GNAL: variants seen among roughly 807,000 people sequenced by gnomAD.
GNAL encodes G protein subunit alpha L.
In GNAL, 18 loss-of-function variants were observed where a neutral mutation model predicts 55.1. The observed-to-expected ratio is 0.33, with a 90% CI of 0.23 to 0.48. GNAL has a LOEUF of 0.48. Ranked by LOEUF, GNAL falls within the 20% of genes least tolerant of loss-of-function variation. The pLI, the probability that GNAL is intolerant of heterozygous loss-of-function variation, is 0.99. For synonymous variants in GNAL, 253 were observed against 237.0 expected, an observed-to-expected ratio of 1.07 and a Z score of -0.62; for missense variants, 412 against 614.1, an observed-to-expected ratio of 0.67 and a Z score of 3.48.
intron 4 of GNAL, among the ~76,000 whole-genome samples, chr18:11,810,156 C>T (rs1038500428): frequency 4.6e-5 from 7 of 152,188 alleles, no homozygotes; most frequent in African/African-American, 1.4e-4. Context: ...TTTGGGAGGC[C>T]GAGACAGATG....
In GNAL at chr18:11,751,682, G is replaced by A. The variant is rs899160726; in HGVS notation, c.377-1171G>A. 2.5e-5 allele frequency: 25 copies of A among 984,646 alleles called. No homozygotes were observed. The highest frequency in any genetic ancestry group is 3.0e-5 in the Non-Finnish European group (25 of 829,356). 61.0% of individuals were successfully genotyped at this position (984,646 alleles called of 1,614,324 possible). A position where few individuals can be genotyped will look rare whatever the true frequency, so the allele number is the denominator to read the frequency against. ...CCGCGGCGCAGCGGAGGGGCTGCGG[G>A]CCCGGAACCCAGGCCGGTCAGCGTG... On this transcript the variant is annotated intron_variant, in intron 1 of 11. Transcript: ENST00000334049. The surrounding 1 kb of genome is among the most constrained non-coding windows in gnomAD (Gnocchi z 4.5).
chr18:11,856,558 C>G (rs1177011112), intron 5 of GNAL, among the ~76,000 whole-genome samples: 2 of 151,414 alleles, frequency 1.3e-5, no homozygotes, highest in Non-Finnish European at 2.9e-5. Context: ...ATGTTTGCCT[C>G]TGTTCTTCAG....
chr18:11,884,740 G>T lies in GNAL; in HGVS notation c.*3605G>T. The T allele has an allele frequency of 7.4e-7, 1 of 1,347,958 alleles. No individual in the cohort carries two copies. Among genetic ancestry groups the T allele is most frequent in the Admixed American group, 2.3e-5 (1 of 44,366 alleles). 83.5% of individuals were successfully genotyped at this position (1,347,958 alleles called of 1,614,324 possible). Reference sequence around the variant, plus strand: ...TCTCAGGTCCCCCTCAGGTGAGGCAGGGAACGGGCCCTCCTCACCTGAGAC... The same window carrying T: ...TCTCAGGTCCCCCTCAGGTGAGGCATGGAACGGGCCCTCCTCACCTGAGAC... On this transcript the variant is annotated 3_prime_UTR_variant, in exon 12 of 12. Transcript: ENST00000334049.
At chr18:11,742,859 C>A (rs2032608788) in intron 1 of GNAL, among the ~76,000 whole-genome samples, 1 of 152,248 alleles carries the variant, frequency 6.6e-6, no homozygotes, top group African/African-American at 2.4e-5. Flanking sequence ...CATCCTGGCA[C>A]ACTGCCCTCT....
At chr18:11,771,728 G>A (rs1230746066) in intron 4 of GNAL, among the ~76,000 whole-genome samples, 1 of 150,196 alleles carries the variant, frequency 6.7e-6, no homozygotes, top group African/African-American at 2.4e-5. Context: ...TTGTTTGTTT[G>A]TTTTGAGATG....
chr18:11,801,676 A>G (rs1403618196), intron 4 of GNAL, among the ~76,000 whole-genome samples: 1 of 152,096 alleles, frequency 6.6e-6, no homozygotes, highest in Non-Finnish European at 1.5e-5. Flanking sequence ...GGTTGGAATC[A>G]TGGAAGTAGT....
intron 4 of GNAL, among the ~76,000 whole-genome samples, chr18:11,796,587 A>C (rs1568031406): frequency 6.7e-6 from 1 of 149,408 alleles, no homozygotes; most frequent in Admixed American, 6.7e-5. Context: ...AAAAAAAAAA[A>C]AAAAAAAACA....
At chr18:11,729,185 T>G (rs2032278935) in intron 1 of GNAL, among the ~76,000 whole-genome samples, 3 of 152,184 alleles carry the variant, frequency 2.0e-5, no homozygotes, top group Admixed American at 2.0e-4. Context: ...TTCATAGATG[T>G]GTTGGGTACA....
chr18:11,875,122 G>A (rs572171830), intron 10 of GNAL, among the ~76,000 whole-genome samples: 2 of 152,322 alleles, frequency 1.3e-5, no homozygotes, highest in South Asian at 4.1e-4. Flanking sequence ...GCATGCCTGA[G>A]TGGGGAGCAG....
At chr18:11,870,202 T>C (rs2036364089) in intron 9 of GNAL, among the ~76,000 whole-genome samples, 1 of 152,132 alleles carries the variant, frequency 6.6e-6, no homozygotes, top group Admixed American at 6.5e-5. Flanking sequence ...AAATAGGTTT[T>C]GTTTGGTTTT....
chr18:11,865,828 A>G (rs2036251810), intron 7 of GNAL, among the ~76,000 whole-genome samples: 1 of 146,846 alleles, frequency 6.8e-6, no homozygotes, highest in African/African-American at 2.7e-5. Context: ...TAGAATTCCC[A>G]TTGCATATCT....
chr18:11,825,281 G>GAGCTATATGCA (rs1162543103), intron 5 of GNAL, among the ~76,000 whole-genome samples: 1 of 152,118 alleles, frequency 6.6e-6, no homozygotes, highest in East Asian at 1.9e-4. Flanking sequence ...CTTTTACATA[G>GAGCTATATGCA]AGCTATATGC....
intron 1 of GNAL, among the ~76,000 whole-genome samples, chr18:11,734,595 C>T (rs1264641167): frequency 6.6e-6 from 1 of 151,368 alleles, no homozygotes; most frequent in Non-Finnish European, 1.5e-5. Flanking sequence ...AGCTTGCATT[C>T]TAGATAGCAT....
intron 1 of GNAL, among the ~76,000 whole-genome samples, chr18:11,736,941 G>T (rs1053550618): frequency 6.6e-6 from 1 of 152,234 alleles, no homozygotes; most frequent in Non-Finnish European, 1.5e-5. Context: ...GGAAAAAAAT[G>T]TGTAAATACG....
chr18:11,792,207 T>C (rs1254252313), intron 4 of GNAL, among the ~76,000 whole-genome samples: 3 of 151,918 alleles, frequency 2.0e-5, no homozygotes, highest in Admixed American at 1.3e-4. Context: ...CTTCCTTCCT[T>C]CCGTCTTACC....
At chr18:11,759,757 T>C (rs1241236140) in intron 4 of GNAL, among the ~76,000 whole-genome samples, 2 of 152,374 alleles carry the variant, frequency 1.3e-5, no homozygotes, top group South Asian at 2.1e-4. Flanking sequence ...TGCTGCCGTG[T>C]GCTGCCGCCT....
At chr18:11,721,394 T>C (rs943730321) in intron 1 of GNAL, among the ~76,000 whole-genome samples, 1 of 152,210 alleles carries the variant, frequency 6.6e-6, no homozygotes, top group Non-Finnish European at 1.5e-5. Flanking sequence ...CCATCAGTGG[T>C]CACTCATCTT....
At chr18:11,835,369 G>A (rs767947360) in intron 5 of GNAL, among the ~76,000 whole-genome samples, 13 of 151,634 alleles carry the variant, frequency 8.6e-5, no homozygotes, top group Non-Finnish European at 8.8e-5. Flanking sequence ...GTGTTTGCCT[G>A]TAATTTCAGC....
At chr18:11,817,149 TA>T in intron 4 of GNAL, among the ~76,000 whole-genome samples, 1 of 152,292 alleles carries the variant, frequency 6.6e-6, no homozygotes, top group South Asian at 2.1e-4. Flanking sequence ...ACACTAATAA[TA>T]ATTGAAGTAG....
Sources: gnomAD v4.1 joint callset for allele counts (sites outside exome capture counted in the v4.1 genomes callset) on GRCh38, gnomAD v4.1.1 for gene constraint, Gnocchi (gnomAD v3.1) non-coding constraint, MANE v1.5 for transcripts, NCBI Gene and HGNC (gene_info 2026-07-23, HGNC 2026-07-21) for gene names.